COL5A2: variants seen among roughly 807,000 people sequenced by gnomAD.
COL5A2 encodes collagen type V alpha 2 chain, also known as collagen alpha-2(V) chain.
Under a neutral mutation model 208.2 loss-of-function variants are expected in COL5A2, and 23 were observed. That is an observed-to-expected ratio of 0.11 (90% CI 0.08 to 0.16). COL5A2 has a LOEUF of 0.16. COL5A2 is among the 10% of genes least tolerant of loss of function. COL5A2 has a pLI of 1.00. For synonymous variants in COL5A2, 625 were observed against 628.5 expected, an observed-to-expected ratio of 0.99 and a Z score of 0.08; for missense variants, 1,590 against 1,956.4, an observed-to-expected ratio of 0.81 and a Z score of 3.53.
At chr2:189,035,889 C>T (rs1041597937) in intron 52 of COL5A2, among the ~76,000 whole-genome samples, 6 of 151,960 alleles carry the variant, frequency 3.9e-5, no homozygotes, top group African/African-American at 1.4e-4. Context: ...ATTCACATTG[C>T]AACAGGCAGT....
intron 1 of COL5A2, among the ~76,000 whole-genome samples, chr2:189,122,817 A>G (rs1347594082): frequency 6.6e-6 from 1 of 152,224 alleles, no homozygotes. Context: ...AATTAAAGAT[A>G]AATCAGAAAT....
At chr2:189,345,605 G>A in the COL5A2 span, among the ~76,000 whole-genome samples, 9 of 152,296 alleles carry the variant, frequency 5.9e-5, no homozygotes, top group African/African-American at 2.2e-4. Flanking sequence ...AGAATTTTCA[G>A]GAAGGAAGGA....
chr2:189,221,620 A>T (rs939914786), intron 1 of COL5A2, among the ~76,000 whole-genome samples: 2 of 152,140 alleles, frequency 1.3e-5, no homozygotes, highest in Non-Finnish European at 2.9e-5. Flanking sequence ...CTTTATTATA[A>T]GATAAGAAAT....
intron 1 of COL5A2, among the ~76,000 whole-genome samples, chr2:189,186,934 T>A (rs1287060550): frequency 6.6e-6 from 1 of 152,226 alleles, no homozygotes; most frequent in Admixed American, 6.5e-5. Flanking sequence ...TCTAACATTC[T>A]TATGATATGA....
intron 1 of COL5A2, among the ~76,000 whole-genome samples, chr2:189,175,169 C>T (rs1688651741): frequency 6.6e-6 from 1 of 152,076 alleles, no homozygotes; most frequent in South Asian, 2.1e-4. Flanking sequence ...GAGTATATTG[C>T]CAGCACCACC....
At chr2:189,178,237 C>G (rs1559138344) in intron 1 of COL5A2, among the ~76,000 whole-genome samples, 1 of 152,102 alleles carries the variant, frequency 6.6e-6, no homozygotes, top group African/African-American at 2.4e-5. Flanking sequence ...GGACTCCTGA[C>G]AGATTGTTGG....
chr2:189,106,290 A>G (rs553528859), intron 2 of COL5A2, among the ~76,000 whole-genome samples: 1 of 151,548 alleles, frequency 6.6e-6, no homozygotes, highest in African/African-American at 2.4e-5. Flanking sequence ...AGTTTGAATT[A>G]GCAGTATTAA....
At chr2:189,157,357 A>C (rs906133142) in intron 1 of COL5A2, among the ~76,000 whole-genome samples, 1 of 151,980 alleles carries the variant, frequency 6.6e-6, no homozygotes, top group African/African-American at 2.4e-5. Flanking sequence ...ACAAAGTTAA[A>C]GGCAAAAAAG....
At chr2:189,065,813 C>T (rs1383859494) in intron 23 of COL5A2, among the ~76,000 whole-genome samples, 1 of 152,162 alleles carries the variant, frequency 6.6e-6, no homozygotes, top group Non-Finnish European at 1.5e-5. Context: ...GTCCTTTCTG[C>T]CCTCCCAGCT....
chr2:189,098,197 A>C (rs2105685657), intron 5 of COL5A2, among the ~76,000 whole-genome samples: 1 of 152,348 alleles, frequency 6.6e-6, no homozygotes, highest in African/African-American at 2.4e-5. Flanking sequence ...ATTAAAGCTA[A>C]CTTAGTATTT....
chr2:189,370,444 A>G, the COL5A2 span, among the ~76,000 whole-genome samples: 1 of 152,170 alleles, frequency 6.6e-6, no homozygotes, highest in African/African-American at 2.4e-5. Flanking sequence ...AGAATTATAT[A>G]AACTTGTCAT....
Position 189,033,051 on chromosome 2 carries a change from T to C in COL5A2, c.*1019A>G, listed in dbSNP as rs1356040324. The C allele has an allele frequency of 6.6e-6, 1 of 152,624 alleles. No homozygotes were observed. Among genetic ancestry groups the C allele is most frequent in the African/African-American group, 2.4e-5 (1 of 41,458 alleles). The allele number at this position is 152,624 out of a possible 1,614,324, so 9.5% of individuals were successfully genotyped here. On this transcript the variant is annotated 3_prime_UTR_variant, in exon 54 of 54. Transcript: ENST00000374866. ...CTAAGAAATGTTGGGTCATTTTTCC[T>C]ATGAAAGTTCAAAGGCCAAATGGTC...
chr2:189,056,718 A>C (rs1576497792), intron 35 of COL5A2: 1 of 546,468 alleles, frequency 1.8e-6, no homozygotes, highest in Non-Finnish European at 3.3e-6. Context: ...GAGAAAGATA[A>C]AGAGGGCCCC....
intron 1 of COL5A2, among the ~76,000 whole-genome samples, chr2:189,176,145 A>G (rs1559137529): frequency 6.6e-6 from 1 of 152,222 alleles, no homozygotes; most frequent in African/African-American, 2.4e-5. Flanking sequence ...AGACCATGAC[A>G]TATAAGACTG....
the COL5A2 span, among the ~76,000 whole-genome samples, chr2:189,322,947 C>T: frequency 6.6e-6 from 1 of 152,122 alleles, no homozygotes; most frequent in Admixed American, 6.6e-5. Flanking sequence ...CAAACTGAAT[C>T]CAGCAGCACA....
At chr2:189,410,167 A>C in the COL5A2 span, among the ~76,000 whole-genome samples, 1 of 152,200 alleles carries the variant, frequency 6.6e-6, no homozygotes, top group Non-Finnish European at 1.5e-5. Flanking sequence ...TTTTTAACAT[A>C]ACTTTCTACA....
At chr2:189,248,381 C>G in the COL5A2 span, among the ~76,000 whole-genome samples, 1 of 152,068 alleles carries the variant, frequency 6.6e-6, no homozygotes, top group Non-Finnish European at 1.5e-5. Context: ...TTGGCAGCAA[C>G]TACTAGAGTA....
At chr2:189,394,032 G>A in the COL5A2 span, among the ~76,000 whole-genome samples, 2 of 152,024 alleles carry the variant, frequency 1.3e-5, no homozygotes, top group East Asian at 1.9e-4. Flanking sequence ...AGCTAAATGA[G>A]GCCTCACCTT....
chr2:189,097,822 A>G (rs1686952441), intron 5 of COL5A2, among the ~76,000 whole-genome samples: 1 of 152,242 alleles, frequency 6.6e-6, no homozygotes, highest in Non-Finnish European at 1.5e-5. Context: ...AAGCAATGGA[A>G]AGGAAAGCCT....
Sources: allele counts gnomAD v4.1 joint callset (sites outside exome capture counted in the v4.1 genomes callset), GRCh38; gene constraint gnomAD v4.1.1; transcripts MANE v1.5; gene names NCBI Gene and HGNC (gene_info 2026-07-23, HGNC 2026-07-21).